Variants in NPNT observed in about 807,000 individuals in gnomAD.
NPNT encodes preosteoblast EGF-like repeat protein with MAM domain.
Under a neutral mutation model 68.6 loss-of-function variants are expected in NPNT, and 45 were observed. The observed-to-expected ratio is 0.66, with a 90% CI of 0.52 to 0.84. The LOEUF (loss-of-function observed/expected upper bound fraction) is 0.84. Ranked by LOEUF, NPNT falls within the 40% of genes least tolerant of loss-of-function variation. The pLI is 0.00. For synonymous variants in NPNT, 233 were observed against 253.3 expected (o/e 0.92, Z 0.76); for missense variants, 672 against 714.8 (o/e 0.94, Z 0.68).
intron 2 of NPNT, among the ~76,000 whole-genome samples, chr4:105,923,088 A>G (rs1186551332): frequency 6.6e-6 from 1 of 152,156 alleles, no homozygotes; most frequent in Non-Finnish European, 1.5e-5. Context: ...CTGAAAATGG[A>G]TCATTTATAC....
At chr4:105,922,090 T>C (rs1011410589) in intron 2 of NPNT, among the ~76,000 whole-genome samples, 3 of 152,166 alleles carry the variant, frequency 2.0e-5, no homozygotes, top group Admixed American at 2.0e-4. Context: ...CTTGGAATTC[T>C]AAAGATAATC....
At chr4:105,938,270 T>G (rs371627168) in intron 4 of NPNT, 31 bp from the exon 5 acceptor site, 1 of 1,604,964 alleles carries the variant, frequency 6.2e-7, no homozygotes, top group South Asian at 1.1e-5. Context: ...GTTTTCTACC[T>G]GTCTGAGTCA....
intron 2 of NPNT, among the ~76,000 whole-genome samples, chr4:105,903,846 A>G (rs1443560349): frequency 6.9e-6 from 1 of 145,934 alleles, no homozygotes; most frequent in Non-Finnish European, 1.5e-5. Context: ...GTGCAGTGGC[A>G]TAATCTTGGC....
At chr4:105,941,247 G>T (rs1480089722) in intron 7 of NPNT, among the ~76,000 whole-genome samples, 1 of 152,060 alleles carries the variant, frequency 6.6e-6, no homozygotes, top group Non-Finnish European at 1.5e-5. Context: ...AGGATGAGGT[G>T]CTAGGATCAC....
At chr4:105,930,237 A>G (rs757785944) in intron 3 of NPNT, among the ~76,000 whole-genome samples, 3 of 152,238 alleles carry the variant, frequency 2.0e-5, no homozygotes, top group East Asian at 1.9e-4. Flanking sequence ...CCTGAAAACT[A>G]TTATTAAAGT....
At position 105,921,936 on chromosome 4, in the gene NPNT, T is replaced by A. The variant is rs529290328; in HGVS notation, c.173-5400T>A. ...AAAGTCTTCCAGTTTCATATCTATTTGTTCTTCTGCCCTACCCTTGCATGT... is the reference window on the plus strand; with the variant it reads ...AAAGTCTTCCAGTTTCATATCTATTAGTTCTTCTGCCCTACCCTTGCATGT... On this transcript the variant is annotated intron_variant, in intron 2 of 11. Transcript: ENST00000379987. Among the ~76,000 whole-genome samples, 40 of 152,368 alleles carry A rather than the reference T, an allele frequency of 2.6e-4. 1 individual carries two copies. Among genetic ancestry groups the A allele is most frequent in the African/African-American group, 9.6e-4 (40 of 41,596 alleles).
At chr4:105,909,703 A>C (rs1256395608) in intron 2 of NPNT, among the ~76,000 whole-genome samples, 9 of 152,204 alleles carry the variant, frequency 5.9e-5, no homozygotes, top group African/African-American at 2.2e-4. Context: ...ACTGTTTTTG[A>C]CAATGAAAAA....
intron 2 of NPNT, among the ~76,000 whole-genome samples, chr4:105,903,368 T>C (rs1052221019): frequency 6.6e-6 from 1 of 152,210 alleles, no homozygotes; most frequent in African/African-American, 2.4e-5. Context: ...AGGGAAGATA[T>C]TCATCACAGG....
At chr4:105,959,170 T>G in intron 10 of NPNT, 44 bp downstream of exon 10, 1 of 1,191,074 alleles carries the variant, frequency 8.4e-7, no homozygotes, top group Non-Finnish European at 1.3e-6. Context: ...CATTTCAATG[T>G]GATACTATCT....
At chr4:105,911,037 A>T (rs529764541) in intron 2 of NPNT, among the ~76,000 whole-genome samples, 1 of 152,234 alleles carries the variant, frequency 6.6e-6, no homozygotes, top group South Asian at 2.1e-4. Context: ...TTTCTGTCTC[A>T]TATATAACCA....
intron 2 of NPNT, among the ~76,000 whole-genome samples, chr4:105,917,443 T>C (rs1000808476): frequency 6.6e-6 from 1 of 152,202 alleles, no homozygotes; most frequent in African/African-American, 2.4e-5. Flanking sequence ...TGTACACCTG[T>C]CATGTCTATC....
chr4:105,905,599 T>C (rs1271428547), intron 2 of NPNT, among the ~76,000 whole-genome samples: 1 of 152,344 alleles, frequency 6.6e-6, no homozygotes, highest in African/African-American at 2.4e-5. Flanking sequence ...CTCATTCTTT[T>C]AAATGGCTAT....
At chr4:105,904,087 T>C (rs1344948086) in intron 2 of NPNT, among the ~76,000 whole-genome samples, 3 of 152,154 alleles carry the variant, frequency 2.0e-5, no homozygotes, top group Admixed American at 1.3e-4. Context: ...CCCAGCTGCC[T>C]CCTTACTTTT....
intron 3 of NPNT, 47 bp downstream of exon 3, chr4:105,927,475 C>G: frequency 8.9e-7 from 1 of 1,125,178 alleles, no homozygotes; most frequent in Non-Finnish European, 1.3e-6. Context: ...ACACCTCTAT[C>G]ACTCCCAAAT....
rs114900378 is a variant in NPNT at position 105,949,191 on chromosome 4, A to G, written c.1159+6489A>G. On this transcript the variant is annotated intron_variant, in intron 8 of 11. Transcript: ENST00000379987. ...TTAGCTAAGTTAAATAGGTTTCTTA[A>G]CTGTAGGACTTCTCAATACTCCAAT... Among the ~76,000 whole-genome samples the G allele has an allele frequency of 9.5e-3, 1,447 of 152,306 alleles. 6 individuals are homozygous for G. Among genetic ancestry groups the G allele is most frequent in the Non-Finnish European group, 0.013 (883 of 68,016 alleles).
At chr4:105,962,882 T>C (rs1408671056) in intron 10 of NPNT, among the ~76,000 whole-genome samples, 1 of 151,764 alleles carries the variant, frequency 6.6e-6, no homozygotes. Context: ...TGTGTGTGTG[T>C]GTATGTATGT....
At chr4:105,924,411 T>G (rs1201979214) in intron 2 of NPNT, among the ~76,000 whole-genome samples, 1 of 152,232 alleles carries the variant, frequency 6.6e-6, no homozygotes, top group Non-Finnish European at 1.5e-5. Flanking sequence ...GGGTTTTCTT[T>G]TTCTAAGAAG....
At chr4:105,936,636 T>C (rs996685459) in intron 3 of NPNT, among the ~76,000 whole-genome samples, 1 of 152,206 alleles carries the variant, frequency 6.6e-6, no homozygotes, top group African/African-American at 2.4e-5. Flanking sequence ...CAGGATTGGA[T>C]CTAGCAATAG....
chr4:105,949,215 A>G lies in NPNT; in HGVS notation c.1159+6513A>G, dbSNP rs144666388. Among the ~76,000 whole-genome samples, 62 of 152,318 alleles carry G rather than the reference A, an allele frequency of 4.1e-4. 1 individual carries two copies. The East Asian group carries it at 0.011, about 27-fold the overall frequency. On this transcript the variant is annotated intron_variant, in intron 8 of 11. Coordinates refer to ENST00000379987, the MANE Select transcript of NPNT (RefSeq NM_001033047.3). Reference sequence around the variant, plus strand: ...AACTGTAGGACTTCTCAATACTCCAATGTGCTAACAATATTGCAAATCTCT... The same window carrying G: ...AACTGTAGGACTTCTCAATACTCCAGTGTGCTAACAATATTGCAAATCTCT...
Sources: gnomAD v4.1 joint callset for allele counts (sites outside exome capture counted in the v4.1 genomes callset) on GRCh38, gnomAD v4.1.1 for gene constraint, MANE v1.5 for transcripts, NCBI Gene and HGNC (gene_info 2026-07-23, HGNC 2026-07-21) for gene names.